SRD5A2: variants seen among roughly 807,000 people sequenced by gnomAD.
SRD5A2 encodes 3-oxo-5-alpha-steroid 4-dehydrogenase 2.
SRD5A2 carries 30 observed loss-of-function variants against 27.4 expected under a neutral mutation model. The observed-to-expected ratio is 1.10, with a 90% CI of 0.82 to 1.49. The LOEUF (loss-of-function observed/expected upper bound fraction) is 1.49, where lower values mean the gene tolerates loss of function less well. Among genes scored for constraint, SRD5A2 ranks in the 40% most tolerant of loss-of-function variants. SRD5A2 has a pLI of 0.00. For missense variants in SRD5A2, 348 were observed against 323.4 expected (o/e 1.08, Z -0.58); for synonymous variants, 141 against 133.6 (o/e 1.06, Z -0.38).
At chr2:31,543,509 C>G (rs553308662) in intron 1 of SRD5A2, among the ~76,000 whole-genome samples, 28 of 152,170 alleles carry the variant, frequency 1.8e-4, no homozygotes, top group African/African-American at 6.7e-4. Flanking sequence ...ATCACTGAAA[C>G]TATGGTTTCT....
At chr2:31,529,589 AG>A (rs1665860442) in intron 3 of SRD5A2, 132 bp from the exon 4 acceptor site, 1 of 1,272,712 alleles carries the variant, frequency 7.9e-7, no homozygotes, top group African/African-American at 1.5e-5. Flanking sequence ...CCATAGTCAT[AG>A]GAGTTTGGTG....
chr2:31,646,343 TG>T, the SRD5A2 span, among the ~76,000 whole-genome samples: 6 of 152,186 alleles, frequency 3.9e-5, no homozygotes, highest in Non-Finnish European at 8.8e-5. Flanking sequence ...CAGGATCTCA[TG>T]GTTGCATTAG....
At chr2:31,604,605 G>A in the SRD5A2 span, among the ~76,000 whole-genome samples, 2 of 151,702 alleles carry the variant, frequency 1.3e-5, no homozygotes, top group Non-Finnish European at 2.9e-5. Context: ...CCAAAGAAGT[G>A]AAAGATCTCT....
At chr2:31,567,456 G>GTA (rs1553327758) in intron 1 of SRD5A2, among the ~76,000 whole-genome samples, 259 of 140,306 alleles carry the variant, frequency 1.8e-3, no homozygotes, top group African/African-American at 5.5e-3. Context: ...GTGTGTGTGT[G>GTA]TATATATATA....
At chr2:31,639,810 A>G in the SRD5A2 span, among the ~76,000 whole-genome samples, 1 of 151,210 alleles carries the variant, frequency 6.6e-6, no homozygotes, top group South Asian at 2.1e-4. Flanking sequence ...TTTGATTCTT[A>G]TATGTTTGGG....
the SRD5A2 span, chr2:31,651,509 A>T: frequency 4.6e-6 from 1 of 216,580 alleles, no homozygotes; most frequent in African/African-American, 2.3e-5. Flanking sequence ...ACTTTACCCA[A>T]TGTGAAGGAC....
At chr2:31,539,431 C>T (rs1666088494) in intron 1 of SRD5A2, among the ~76,000 whole-genome samples, 2 of 152,208 alleles carry the variant, frequency 1.3e-5, no homozygotes, top group African/African-American at 4.8e-5. Context: ...AACTGGCTCA[C>T]TCTCACCCCA....
In SRD5A2 at chr2:31,562,695, C is replaced by G. The variant is rs149318329; in HGVS notation, c.281+17925G>C. On this transcript the variant is annotated intron_variant, in intron 1 of 4. Coordinates refer to ENST00000622030, the MANE Select transcript of SRD5A2 (RefSeq NM_000348.4). ...CAAAAGGGAAAAGGAGGGAGAGGGGCAAGGGTTGAAAAACTACCTATTGGG... is the reference window on the plus strand; with the variant it reads ...CAAAAGGGAAAAGGAGGGAGAGGGGGAAGGGTTGAAAAACTACCTATTGGG... Among the ~76,000 whole-genome samples, 556 of 152,126 alleles carry G rather than the reference C, an allele frequency of 3.7e-3. 4 individuals are homozygous for G. Among genetic ancestry groups the G allele is most frequent in the African/African-American group, 0.013 (547 of 41,508 alleles).
At chr2:31,598,919 C>T in the SRD5A2 span, among the ~76,000 whole-genome samples, 1 of 151,826 alleles carries the variant, frequency 6.6e-6, no homozygotes, top group South Asian at 2.1e-4. Context: ...ATGCTGCATA[C>T]AAGAAACACA....
intron 1 of SRD5A2, among the ~76,000 whole-genome samples, chr2:31,537,950 C>T (rs1261908372): frequency 6.6e-6 from 1 of 152,142 alleles, no homozygotes; most frequent in East Asian, 1.9e-4. Flanking sequence ...GCACCTTGGC[C>T]TTGTACATCC....
chr2:31,653,721 G>A, the SRD5A2 span, among the ~76,000 whole-genome samples: 1 of 152,028 alleles, frequency 6.6e-6, no homozygotes, highest in Non-Finnish European at 1.5e-5. Flanking sequence ...GTGCAACAGT[G>A]CGATCTCAGC....
chr2:31,611,973 A>G, the SRD5A2 span, among the ~76,000 whole-genome samples: 1 of 152,168 alleles, frequency 6.6e-6, no homozygotes, highest in Non-Finnish European at 1.5e-5. Flanking sequence ...ATACAACTTA[A>G]CAGTATATAT....
intron 1 of SRD5A2, among the ~76,000 whole-genome samples, chr2:31,559,642 A>G (rs1252732986): frequency 1.3e-5 from 2 of 152,218 alleles, no homozygotes; most frequent in Non-Finnish European, 1.5e-5. Flanking sequence ...GTGCTGTAAG[A>G]TGGCCTAAAA....
chr2:31,526,803 AT>A (rs968328552), intron 4 of SRD5A2: 112 of 150,410 alleles, frequency 7.4e-4, no homozygotes, highest in South Asian at 8.4e-4. Flanking sequence ...TGAGAGGGTA[AT>A]TTTTTTTTTT....
At chr2:31,618,128 C>T in the SRD5A2 span, among the ~76,000 whole-genome samples, 5 of 152,132 alleles carry the variant, frequency 3.3e-5, no homozygotes, top group African/African-American at 1.2e-4. Context: ...TAAGGTGTTA[C>T]ATGGCAGCAG....
At chr2:31,598,688 A>C in the SRD5A2 span, among the ~76,000 whole-genome samples, 124 of 152,148 alleles carry the variant, frequency 8.1e-4, 1 homozygote, top group African/African-American at 2.7e-3. Context: ...AAAATAAAAA[A>C]ACAAGAAACT....
At chr2:31,656,923 A>G in the SRD5A2 span, among the ~76,000 whole-genome samples, 1 of 152,222 alleles carries the variant, frequency 6.6e-6, no homozygotes, top group Non-Finnish European at 1.5e-5. Context: ...TCATGGGGGA[A>G]AAACAGATCC....
At chr2:31,626,243 T>G in the SRD5A2 span, among the ~76,000 whole-genome samples, 3 of 152,198 alleles carry the variant, frequency 2.0e-5, no homozygotes, top group Non-Finnish European at 2.9e-5. Context: ...CTTATCAGCT[T>G]AAGGAGATTT....
At chr2:31,565,995 G>GT (rs1173846199) in intron 1 of SRD5A2, among the ~76,000 whole-genome samples, 1 of 152,042 alleles carries the variant, frequency 6.6e-6, no homozygotes, top group Non-Finnish European at 1.5e-5. Context: ...TTAAAAGGAT[G>GT]TATGTCATAC....
Sources: allele counts gnomAD v4.1 joint callset (sites outside exome capture counted in the v4.1 genomes callset), GRCh38; gene constraint gnomAD v4.1.1; transcripts MANE v1.5; gene names NCBI Gene and HGNC (gene_info 2026-07-23, HGNC 2026-07-21).